The following MARCHF3 variants were observed in gnomAD, a reference collection of about 807,000 sequenced individuals.
MARCHF3 encodes the protein E3 ubiquitin-protein ligase MARCHF3.
Under a neutral mutation model 24.2 loss-of-function variants are expected in MARCHF3, and 13 were observed. That is an observed-to-expected ratio of 0.54 (90% CI 0.35 to 0.85). The LOEUF (loss-of-function observed/expected upper bound fraction) is 0.85. Ranked by LOEUF, MARCHF3 falls within the 40% of genes least tolerant of loss-of-function variation. MARCHF3 has a pLI of 0.01. For missense variants in MARCHF3, 276 were observed against 325.0 expected, an observed-to-expected ratio of 0.85 and a Z score of 1.16; for synonymous variants, 144 against 137.3, an observed-to-expected ratio of 1.05 and a Z score of -0.34.
chr5:126,933,646 G>A (rs972760401), intron 1 of MARCHF3, among the ~76,000 whole-genome samples: 13 of 152,056 alleles, frequency 8.5e-5, no homozygotes, highest in African/African-American at 1.7e-4. Flanking sequence ...GGGTTTCACC[G>A]TGTTAGCCAG....
chr5:126,878,924 G>C (rs150970428), intron 3 of MARCHF3, among the ~76,000 whole-genome samples: 6 of 152,126 alleles, frequency 3.9e-5, no homozygotes, highest in Non-Finnish European at 8.8e-5. Context: ...CATGCCAGAG[G>C]CCTTGGGCCC....
intron 3 of MARCHF3, chr5:126,899,289 G>T: frequency 3.0e-6 from 3 of 985,310 alleles, no homozygotes; most frequent in South Asian, 9.4e-5. Context: ...GTGAGGCAAA[G>T]AATTGAGGGA....
chr5:126,892,225 C>G (rs1358757780), intron 3 of MARCHF3, among the ~76,000 whole-genome samples: 1 of 142,958 alleles, frequency 7.0e-6, no homozygotes, highest in African/African-American at 2.6e-5. Flanking sequence ...ACAATCATGT[C>G]GTCTGCAAAC....
At chr5:126,993,503 C>A (rs1487510877) in intron 1 of MARCHF3, among the ~76,000 whole-genome samples, 5 of 152,232 alleles carry the variant, frequency 3.3e-5, no homozygotes, top group East Asian at 3.9e-4. Context: ...TCCAGATAGG[C>A]AACATTATCA....
At chr5:126,988,955 A>G (rs1032575858) in intron 1 of MARCHF3, among the ~76,000 whole-genome samples, 1 of 152,206 alleles carries the variant, frequency 6.6e-6, no homozygotes, top group African/African-American at 2.4e-5. Context: ...CCTCTCATGG[A>G]TGAAAGAGGA....
intron 1 of MARCHF3, among the ~76,000 whole-genome samples, chr5:126,983,849 T>C (rs1751475349): frequency 6.6e-6 from 1 of 152,232 alleles, no homozygotes; most frequent in Admixed American, 6.5e-5. Flanking sequence ...TCCTCTATCT[T>C]TTTCTTATCT....
chr5:126,872,074 C>CTTT lies in MARCHF3; in HGVS notation c.604-1286_604-1284dup, dbSNP rs70997318. Among the ~76,000 whole-genome samples the CTTT allele has an allele frequency of 6.0e-3, 564 of 94,282 alleles. 10 individuals carry two copies. The highest frequency in any genetic ancestry group is 0.013 in the East Asian group (39 of 3,058). 61.9% of individuals were successfully genotyped at this position (94,282 alleles called of 152,430 possible). A position where few individuals can be genotyped will look rare whatever the true frequency, so the allele number is the denominator to read the frequency against. ...ATAATGGTGCCTGAGAGATCCTTGT[C>CTTT]TTTTTTTTTTTTTTTTTTTTTTGAG... On this transcript the variant is annotated intron_variant, in intron 4 of 4. Coordinates refer to ENST00000308660, the MANE Select transcript of MARCHF3 (RefSeq NM_178450.5).
chr5:127,001,107 G>A (rs1372151564), intron 1 of MARCHF3, among the ~76,000 whole-genome samples: 1 of 151,572 alleles, frequency 6.6e-6, no homozygotes, highest in Non-Finnish European at 1.5e-5. Context: ...GCATGCTGAC[G>A]CACGCCTGTA....
intron 1 of MARCHF3, among the ~76,000 whole-genome samples, chr5:127,007,603 T>C (rs1410603778): frequency 2.0e-5 from 3 of 152,146 alleles, no homozygotes; most frequent in African/African-American, 4.8e-5. Flanking sequence ...ATTTTGAGAT[T>C]TGGGGGCTAA....
At chr5:126,953,619 C>T (rs938633135) in intron 1 of MARCHF3, among the ~76,000 whole-genome samples, 1 of 152,146 alleles carries the variant, frequency 6.6e-6, no homozygotes, top group Non-Finnish European at 1.5e-5. Context: ...AAGTAAAATG[C>T]CACTCTGATT....
rs138609838 is a variant in MARCHF3 at position 126,979,646 on chromosome 5, C to T, written c.-57+50704G>A. On this transcript the variant is annotated intron_variant, in intron 1 of 4. Transcript: ENST00000308660. ...TTCTAATTTTGAAATGGTCTTTATT[C>T]CTTATTAGAAATGAAAGTGAGGCCA... Among the ~76,000 whole-genome samples, 23 of 152,042 alleles carry T rather than the reference C, an allele frequency of 1.5e-4. 1 individual carries two copies. Among genetic ancestry groups the T allele is most frequent in the Non-Finnish European group, 2.9e-5 (2 of 68,028 alleles).
rs182269644 is a variant in MARCHF3 at position 126,919,468 on chromosome 5, T to G, written c.-56-1241A>C. 2.0e-5 allele frequency among the ~76,000 whole-genome samples: 3 copies of G among 152,278 alleles called. No homozygotes were observed. In the East Asian group the frequency reaches 5.8e-4, roughly 29 times the overall value. On this transcript the variant is annotated intron_variant, in intron 1 of 4. Coordinates refer to ENST00000308660, the MANE Select transcript of MARCHF3 (RefSeq NM_178450.5). ...GGCTCAGACTTAAATAAATGAAATA[T>G]CTTGTTATTTGCACAACCCAAAACC...
At position 126,870,456 on chromosome 5, in the gene MARCHF3, C is replaced by A; in HGVS notation, c.*177G>T. 1 of 535,648 alleles carries A rather than the reference C, an allele frequency of 1.9e-6. No individual in the cohort carries two copies. The highest frequency in any genetic ancestry group is 3.4e-6 in the Non-Finnish European group (1 of 297,762). 33.2% of individuals were successfully genotyped at this position (535,648 alleles called of 1,614,324 possible). On this transcript the variant is annotated 3_prime_UTR_variant, in exon 5 of 5. Transcript: ENST00000308660. ...GCAGCATCCATCATTTGAAGTAAAA[C>A]AGCATTTGCTTTCTTCTGGCGGAGG...
At chr5:126,906,380 C>T (rs1754297222) in intron 3 of MARCHF3, among the ~76,000 whole-genome samples, 3 of 152,176 alleles carry the variant, frequency 2.0e-5, no homozygotes, top group African/African-American at 7.2e-5. Context: ...GGAATAGTTT[C>T]AGAAGGAATG....
intron 3 of MARCHF3, among the ~76,000 whole-genome samples, chr5:126,883,133 C>T (rs1753395719): frequency 6.6e-6 from 1 of 152,204 alleles, no homozygotes; most frequent in African/African-American, 2.4e-5. Context: ...CACTTGTGGA[C>T]AGCTTTTGCA....
chr5:127,002,794 C>T (rs1752170765), intron 1 of MARCHF3, among the ~76,000 whole-genome samples: 1 of 152,226 alleles, frequency 6.6e-6, no homozygotes, highest in African/African-American at 2.4e-5. Flanking sequence ...CAGATTCCAA[C>T]CCCTTCTTGG....
chr5:126,982,894 G>A (rs1751436841), intron 1 of MARCHF3, among the ~76,000 whole-genome samples: 1 of 152,200 alleles, frequency 6.6e-6, no homozygotes. Flanking sequence ...CTCCCACAAG[G>A]TCCAGGTTAG....
intron 1 of MARCHF3, among the ~76,000 whole-genome samples, chr5:126,921,096 T>C (rs1580645066): frequency 1.3e-5 from 2 of 151,744 alleles, no homozygotes; most frequent in East Asian, 1.9e-4. Flanking sequence ...ACTAAAATGA[T>C]AGTCCGGTCC....
chr5:126,926,895 A>C (rs763191839), intron 1 of MARCHF3, among the ~76,000 whole-genome samples: 4 of 152,062 alleles, frequency 2.6e-5, no homozygotes, highest in Non-Finnish European at 5.9e-5. Context: ...GGGTAGGGGT[A>C]CAAGGGGCAC....
Sources: allele counts gnomAD v4.1 joint callset (sites outside exome capture counted in the v4.1 genomes callset), GRCh38; gene constraint gnomAD v4.1.1; transcripts MANE v1.5; gene names NCBI Gene and HGNC (gene_info 2026-07-23, HGNC 2026-07-21).